The following KHDRBS2 variants were observed in gnomAD, a reference collection of about 807,000 sequenced individuals.
KHDRBS2 encodes KH RNA binding domain containing, signal transduction associated 2, also known as KH domain-containing, RNA-binding, signal transduction-associated protein 2.
A neutral mutation model predicts 44.3 loss-of-function variants in KHDRBS2; 26 were observed. The ratio of observed to expected loss-of-function variants is 0.59; its 90% confidence interval spans 0.43 to 0.81. KHDRBS2 has a LOEUF of 0.81. Ranked by LOEUF, KHDRBS2 falls within the 40% of genes least tolerant of loss-of-function variation. The probability of loss-of-function intolerance (pLI) is 0.00; values close to 1 mark genes in which losing one functional copy is unlikely to be tolerated. For missense variants in KHDRBS2, 476 were observed against 433.1 expected (o/e 1.10, Z -0.88); for synonymous variants, 194 against 151.1 (o/e 1.28, Z -2.08).
intron 7 of KHDRBS2, among the ~76,000 whole-genome samples, chr6:61,720,611 T>C (rs1359408865): frequency 6.6e-6 from 1 of 152,244 alleles, no homozygotes; most frequent in East Asian, 1.9e-4. Flanking sequence ...CTTTGCCCAC[T>C]TTTTGATGGG....
At chr6:61,941,611 A>G (rs1812145301) in intron 4 of KHDRBS2, among the ~76,000 whole-genome samples, 1 of 152,158 alleles carries the variant, frequency 6.6e-6, no homozygotes, top group African/African-American at 2.4e-5. Flanking sequence ...GCCTCCACCA[A>G]TAACTGCTCC....
At chr6:62,283,377 T>G (rs1842062416) in intron 1 of KHDRBS2, among the ~76,000 whole-genome samples, 1 of 151,900 alleles carries the variant, frequency 6.6e-6, no homozygotes. Context: ...GAGCACTGAT[T>G]TGCCTGTATC....
the KHDRBS2 span, among the ~76,000 whole-genome samples, chr6:61,554,921 C>G: frequency 6.6e-6 from 1 of 152,148 alleles, no homozygotes; most frequent in East Asian, 1.9e-4. Context: ...CCTGCCCCTT[C>G]TCTCTAGCTG....
intron 6 of KHDRBS2, among the ~76,000 whole-genome samples, chr6:61,747,881 G>A (rs1777090454): frequency 6.6e-6 from 1 of 152,098 alleles, no homozygotes; most frequent in African/African-American, 2.4e-5. Flanking sequence ...CTATTTAGCA[G>A]TGCTGGTTAA....
the KHDRBS2 span, among the ~76,000 whole-genome samples, chr6:61,576,171 G>C: frequency 7.0e-6 from 1 of 142,128 alleles, no homozygotes; most frequent in East Asian, 1.9e-4. Context: ...AAATTGCCTC[G>C]GGCAGTATGA....
chr6:62,061,808 C>T (rs1259003564), intron 2 of KHDRBS2, among the ~76,000 whole-genome samples: 1 of 148,096 alleles, frequency 6.8e-6, no homozygotes, highest in Non-Finnish European at 1.5e-5. Context: ...CTTTCAGGTA[C>T]ACCAATCAGA....
chr6:61,740,811 A>C (rs1256386052), intron 6 of KHDRBS2, among the ~76,000 whole-genome samples: 1 of 151,932 alleles, frequency 6.6e-6, no homozygotes, highest in African/African-American at 2.4e-5. Flanking sequence ...GGTAACCGTG[A>C]TACGATTAAG....
intron 6 of KHDRBS2, among the ~76,000 whole-genome samples, chr6:61,780,142 T>G (rs369082174): frequency 1.3e-5 from 2 of 152,228 alleles, no homozygotes; most frequent in East Asian, 1.9e-4. Flanking sequence ...TACATTCAGT[T>G]ATACTTAAAC....
intron 2 of KHDRBS2, among the ~76,000 whole-genome samples, chr6:62,122,723 G>C (rs904696611): frequency 8.0e-6 from 1 of 125,448 alleles, no homozygotes; most frequent in African/African-American, 3.3e-5. Flanking sequence ...CCTGAAAGTG[G>C]ACAGCTGCCG....
chr6:61,641,692 A>T, the KHDRBS2 span, among the ~76,000 whole-genome samples: 1 of 152,174 alleles, frequency 6.6e-6, no homozygotes, highest in South Asian at 2.1e-4. Flanking sequence ...TGAAAACACA[A>T]CTGATCTGTT....
At chr6:61,738,331 A>G (rs1386169423) in intron 6 of KHDRBS2, among the ~76,000 whole-genome samples, 1 of 152,084 alleles carries the variant, frequency 6.6e-6, no homozygotes, top group Admixed American at 6.6e-5. Context: ...AAAATACTCA[A>G]GGAGATATGA....
At chr6:61,616,493 AT>A in the KHDRBS2 span, among the ~76,000 whole-genome samples, 1 of 126,828 alleles carries the variant, frequency 7.9e-6, no homozygotes, top group African/African-American at 2.7e-5. Flanking sequence ...ATATATATAT[AT>A]ATATAATGCT....
At chr6:61,551,655 T>G in the KHDRBS2 span, among the ~76,000 whole-genome samples, 2 of 152,122 alleles carry the variant, frequency 1.3e-5, no homozygotes, top group African/African-American at 4.8e-5. Flanking sequence ...TCAGCTTTGT[T>G]GAAGACCAGA....
chr6:62,093,270 C>A (rs1584648627), intron 2 of KHDRBS2, among the ~76,000 whole-genome samples: 1 of 151,314 alleles, frequency 6.6e-6, no homozygotes, highest in Admixed American at 6.6e-5. Context: ...ACACAAGTCT[C>A]AGATGGCTTT....
chr6:61,630,266 C>T, the KHDRBS2 span: 1 of 152,144 alleles, frequency 6.6e-6, no homozygotes, highest in Non-Finnish European at 1.5e-5. Context: ...TCTAGTTTTA[C>T]AGTCATGTGA....
intron 2 of KHDRBS2, among the ~76,000 whole-genome samples, chr6:62,151,902 A>G (rs1815281523): frequency 6.6e-6 from 1 of 152,242 alleles, no homozygotes. Flanking sequence ...CACAGTTAAT[A>G]TAAGTATGTG....
At chr6:62,073,569 A>C (rs1378698435) in intron 2 of KHDRBS2, among the ~76,000 whole-genome samples, 1 of 54,744 alleles carries the variant, frequency 1.8e-5, no homozygotes, top group East Asian at 4.0e-4. Flanking sequence ...TTTCCCTTCT[A>C]TTCTAATGTT....
chr6:61,696,380 C>G (rs145925257), intron 8 of KHDRBS2, among the ~76,000 whole-genome samples: 1 of 151,816 alleles, frequency 6.6e-6, no homozygotes, highest in Non-Finnish European at 1.5e-5. Flanking sequence ...CTCAGCCTCC[C>G]GAGTAGCTGA....
intron 3 of KHDRBS2, among the ~76,000 whole-genome samples, chr6:62,013,645 C>T (rs1780701492): frequency 6.6e-6 from 1 of 152,124 alleles, no homozygotes; most frequent in Non-Finnish European, 1.5e-5. Flanking sequence ...AACTAACACT[C>T]AGTCAGACAC....
Sources: allele counts gnomAD v4.1 joint callset (sites outside exome capture counted in the v4.1 genomes callset), GRCh38; gene constraint gnomAD v4.1.1; transcripts MANE v1.5; gene names NCBI Gene and HGNC (gene_info 2026-07-23, HGNC 2026-07-21).